The following FHIT variants were observed in gnomAD, a reference collection of about 807,000 sequenced individuals.
The protein encoded by FHIT is fragile histidine triad diadenosine triphosphatase.
Under a neutral mutation model 17.9 loss-of-function variants are expected in FHIT, and 19 were observed. The observed-to-expected ratio is 1.06, with a 90% CI of 0.74 to 1.56. The LOEUF is 1.56. Among genes scored for constraint, FHIT ranks in the 40% most tolerant of loss-of-function variants. The probability of loss-of-function intolerance (pLI) is 0.00; values close to 1 mark genes in which losing one functional copy is unlikely to be tolerated. For synonymous variants in FHIT, 81 were observed against 69.7 expected (o/e 1.16, Z -0.81); for missense variants, 248 against 189.2 (o/e 1.31, Z -1.82).
chr3:61,099,208 G>A (rs1373402774), intron 2 of FHIT, among the ~76,000 whole-genome samples: 1 of 152,128 alleles, frequency 6.6e-6, no homozygotes, highest in Non-Finnish European at 1.5e-5. Context: ...TTATGTTTAT[G>A]TGATGAATAA....
At chr3:60,757,316 A>G (rs1488829700) in intron 4 of FHIT, among the ~76,000 whole-genome samples, 2 of 152,226 alleles carry the variant, frequency 1.3e-5, no homozygotes, top group African/African-American at 2.4e-5. Flanking sequence ...TCAGAGAGTG[A>G]ACAAGAAGCA....
chr3:61,054,974 C>T (rs1161706321), intron 2 of FHIT, among the ~76,000 whole-genome samples: 2 of 152,182 alleles, frequency 1.3e-5, no homozygotes, highest in Non-Finnish European at 2.9e-5. Flanking sequence ...TTCAGTTCAA[C>T]GTTATACCTC....
At chr3:61,011,940 T>C (rs1435056061) in intron 3 of FHIT, among the ~76,000 whole-genome samples, 1 of 152,196 alleles carries the variant, frequency 6.6e-6, no homozygotes, top group African/African-American at 2.4e-5. Context: ...TTTAATTGAA[T>C]GTGAAAACCC....
intron 7 of FHIT, among the ~76,000 whole-genome samples, chr3:60,003,742 C>G (rs1699816747): frequency 6.6e-6 from 1 of 151,902 alleles, no homozygotes; most frequent in South Asian, 2.1e-4. Context: ...GAGACTCTGT[C>G]TCAAAAAAAT....
chr3:60,776,426 T>A (rs1553724478), intron 4 of FHIT, among the ~76,000 whole-genome samples: 1 of 152,244 alleles, frequency 6.6e-6, no homozygotes, highest in Non-Finnish European at 1.5e-5. Context: ...GACTTTAATC[T>A]TTAAGAAATA....
intron 5 of FHIT, among the ~76,000 whole-genome samples, chr3:60,048,480 G>A (rs1701744294): frequency 2.0e-5 from 3 of 152,242 alleles, no homozygotes. Flanking sequence ...CCGGCCTTAA[G>A]TTCTCTTTTC....
intron 7 of FHIT, among the ~76,000 whole-genome samples, chr3:59,987,064 CTATATA>C (rs1330275868): frequency 3.6e-5 from 2 of 54,938 alleles, no homozygotes; most frequent in African/African-American, 8.2e-5. Flanking sequence ...TAAAATATAT[CTATATA>C]TATCTATATT....
intron 5 of FHIT, among the ~76,000 whole-genome samples, chr3:60,158,874 C>T (rs1700819063): frequency 6.6e-6 from 1 of 152,054 alleles, no homozygotes; most frequent in Non-Finnish European, 1.5e-5. Flanking sequence ...ACTCCAAATT[C>T]GTTCTAACAC....
intron 5 of FHIT, among the ~76,000 whole-genome samples, chr3:60,520,548 C>T (rs1162912690): frequency 6.6e-6 from 1 of 152,134 alleles, no homozygotes; most frequent in Non-Finnish European, 1.5e-5. Flanking sequence ...CAAACCTTTC[C>T]AGCATGTACA....
chr3:60,553,087 C>T (rs1341958921), intron 4 of FHIT, among the ~76,000 whole-genome samples: 1 of 152,154 alleles, frequency 6.6e-6, no homozygotes. Context: ...ACCTGAGACC[C>T]TGAACTGCAA....
At chr3:60,966,863 G>A (rs1709768011) in intron 3 of FHIT, among the ~76,000 whole-genome samples, 3 of 152,160 alleles carry the variant, frequency 2.0e-5, no homozygotes, top group Admixed American at 2.0e-4. Context: ...TACACATAAA[G>A]TCCTAAGGTG....
intron 5 of FHIT, among the ~76,000 whole-genome samples, chr3:60,299,074 A>G (rs1181634319): frequency 2.6e-5 from 4 of 152,116 alleles, no homozygotes; most frequent in Admixed American, 6.6e-5. Context: ...GTCCCTGCCT[A>G]TGTAAATGAA....
chr3:60,332,230 A>T (rs112023860), intron 5 of FHIT, among the ~76,000 whole-genome samples: 7 of 152,190 alleles, frequency 4.6e-5, no homozygotes, highest in African/African-American at 1.7e-4. Context: ...AAAATTTTCT[A>T]CTATCTCAAA....
At chr3:60,386,723 A>C (rs1237789253) in intron 5 of FHIT, among the ~76,000 whole-genome samples, 1 of 152,194 alleles carries the variant, frequency 6.6e-6, no homozygotes. Context: ...CCTGCAAAAG[A>C]GCAGTACCTA....
intron 2 of FHIT, among the ~76,000 whole-genome samples, chr3:61,157,616 C>T (rs1273859117): frequency 6.6e-6 from 1 of 152,100 alleles, no homozygotes; most frequent in Non-Finnish European, 1.5e-5. Context: ...CTGAGAAAGA[C>T]AGTGATAGTC....
At chr3:60,987,483 G>A (rs1036212466) in intron 3 of FHIT, among the ~76,000 whole-genome samples, 23 of 152,164 alleles carry the variant, frequency 1.5e-4, no homozygotes, top group East Asian at 1.4e-3. Flanking sequence ...CCTTTAATTC[G>A]GCCCATAAGA....
At chr3:60,156,114 G>A (rs146377785) in intron 5 of FHIT, among the ~76,000 whole-genome samples, 4,885 of 152,180 alleles carry the variant, frequency 0.032, 133 homozygotes, top group Non-Finnish European at 0.051. Flanking sequence ...AGCACTTTGG[G>A]AGGCCCAGGC....
chr3:60,225,554 A>G (rs981946884), intron 5 of FHIT, among the ~76,000 whole-genome samples: 24 of 152,214 alleles, frequency 1.6e-4, no homozygotes, highest in Non-Finnish European at 4.4e-5. Flanking sequence ...CAGGGCAGAT[A>G]CAAGACAGTC....
intron 8 of FHIT, among the ~76,000 whole-genome samples, chr3:59,799,364 G>A (rs1352022): frequency 0.59 from 89,410 of 151,916 alleles, 27,482 homozygotes; most frequent in Middle Eastern, 0.71. Flanking sequence ...AAAGCCAAGC[G>A]CAACAGAGAA....
Sources: gnomAD v4.1 joint callset for allele counts (sites outside exome capture counted in the v4.1 genomes callset) on GRCh38, gnomAD v4.1.1 for gene constraint, MANE v1.5 for transcripts, NCBI Gene and HGNC (gene_info 2026-07-23, HGNC 2026-07-21) for gene names.